The following GRM7 variants were observed in gnomAD, a reference collection of about 807,000 sequenced individuals.
The protein encoded by GRM7 is glutamate metabotropic receptor 7.
Under a neutral mutation model 84.5 loss-of-function variants are expected in GRM7, and 35 were observed. That is an observed-to-expected ratio of 0.41 (90% CI 0.32 to 0.55). The LOEUF (loss-of-function observed/expected upper bound fraction) is 0.55, where lower values mean the gene tolerates loss of function less well. GRM7 is among the 20% of genes least tolerant of loss of function. The pLI is 0.19. For missense variants in GRM7, 1,003 were observed against 1,194.6 expected (o/e 0.84, Z 2.36); for synonymous variants, 487 against 455.1 (o/e 1.07, Z -0.89).
chr3:7,609,455 A>G (rs1460606302), intron 8 of GRM7, among the ~76,000 whole-genome samples: 2 of 152,102 alleles, frequency 1.3e-5, no homozygotes, highest in Non-Finnish European at 2.9e-5. Context: ...GATATTCTTG[A>G]ACAGGGCAGA....
At chr3:7,414,865 A>G (rs1032810090) in intron 4 of GRM7, among the ~76,000 whole-genome samples, 158 bp from the exon 5 acceptor site, 2 of 151,916 alleles carry the variant, frequency 1.3e-5, no homozygotes, top group Admixed American at 6.6e-5. Context: ...TGCAATTAGA[A>G]TATTTTTCCT....
At chr3:7,197,216 T>C (rs1046220597) in intron 2 of GRM7, among the ~76,000 whole-genome samples, 1 of 152,198 alleles carries the variant, frequency 6.6e-6, no homozygotes, top group East Asian at 1.9e-4. Context: ...CCCAAACTTG[T>C]GCTTAAGACC....
rs143071757 is a variant in GRM7 at position 7,232,374 on chromosome 3, A to G, written c.737-66310A>G. On this transcript the variant is annotated intron_variant, in intron 2 of 9. Transcript: ENST00000357716. ...TGAGACTGTTGTCATGGGAGTTGAG[A>G]TACCATAAAGAGCTGGAAAGACCCT... Among the ~76,000 whole-genome samples, 355 of 152,290 alleles carry G rather than the reference A, an allele frequency of 2.3e-3. 1 individual carries two copies. The highest frequency in any genetic ancestry group is 7.9e-3 in the African/African-American group (330 of 41,554).
At chr3:7,481,342 C>T (rs553373022) in intron 7 of GRM7, among the ~76,000 whole-genome samples, 3 of 152,266 alleles carry the variant, frequency 2.0e-5, no homozygotes, top group East Asian at 1.9e-4. Flanking sequence ...GGGCTCCCGC[C>T]TCGGCCTCCC....
chr3:7,236,662 A>C (rs1327611924), intron 2 of GRM7, among the ~76,000 whole-genome samples: 2 of 152,190 alleles, frequency 1.3e-5, no homozygotes, highest in Non-Finnish European at 2.9e-5. Flanking sequence ...GCAGGTAGAT[A>C]ATAAGTGATC....
At chr3:7,470,878 GA>G in intron 7 of GRM7, among the ~76,000 whole-genome samples, 1 of 152,046 alleles carries the variant, frequency 6.6e-6, no homozygotes, top group African/African-American at 2.4e-5. Context: ...AAAAATTCTA[GA>G]ATGACCTGGT....
At chr3:7,066,496 GACCAATA>G (rs1697669786) in intron 1 of GRM7, among the ~76,000 whole-genome samples, 1 of 151,790 alleles carries the variant, frequency 6.6e-6, no homozygotes, top group Admixed American at 6.6e-5. Context: ...ACCCTGAACA[GACCAATA>G]ACAAGCAGCA....
At chr3:7,352,059 A>C (rs1408079509) in intron 4 of GRM7, among the ~76,000 whole-genome samples, 5 of 70,324 alleles carry the variant, frequency 7.1e-5, no homozygotes, top group Non-Finnish European at 1.4e-4. Flanking sequence ...CACACACACC[A>C]CACACACACA....
intron 1 of GRM7, among the ~76,000 whole-genome samples, chr3:7,023,960 G>A (rs1407165854): frequency 6.6e-6 from 1 of 152,152 alleles, no homozygotes; most frequent in Non-Finnish European, 1.5e-5. Flanking sequence ...CTTCCTAGGT[G>A]GGTGATGGAG....
At chr3:7,124,657 C>G (rs1223478581) in intron 1 of GRM7, among the ~76,000 whole-genome samples, 7 of 152,054 alleles carry the variant, frequency 4.6e-5, no homozygotes, top group Admixed American at 2.0e-4. Flanking sequence ...TAGATTAGAA[C>G]AATGATACTT....
At chr3:6,946,625 C>T (rs1476811265) in intron 1 of GRM7, among the ~76,000 whole-genome samples, 1 of 152,110 alleles carries the variant, frequency 6.6e-6, no homozygotes, top group East Asian at 1.9e-4. Flanking sequence ...ATGGGGATGG[C>T]ATTGAATCTA....
chr3:7,215,564 C>T (rs558632617), intron 2 of GRM7, among the ~76,000 whole-genome samples: 1 of 152,046 alleles, frequency 6.6e-6, no homozygotes, highest in South Asian at 2.1e-4. Flanking sequence ...ACTCGGGAGG[C>T]TGAGGCAGAA....
intron 1 of GRM7, among the ~76,000 whole-genome samples, chr3:6,885,399 C>T (rs1162259139): frequency 1.3e-5 from 2 of 152,120 alleles, no homozygotes; most frequent in Admixed American, 6.5e-5. Context: ...TTGTAACTTC[C>T]GGGTTGTCCA....
intron 1 of GRM7, among the ~76,000 whole-genome samples, chr3:6,888,259 T>G (rs867019653): frequency 1.3e-4 from 19 of 151,980 alleles, no homozygotes; most frequent in Non-Finnish European, 2.4e-4. Flanking sequence ...GTCAATTTTG[T>G]CTTTTGTTGC....
At chr3:7,386,986 T>G (rs1694810146) in intron 4 of GRM7, among the ~76,000 whole-genome samples, 1 of 152,218 alleles carries the variant, frequency 6.6e-6, no homozygotes, top group African/African-American at 2.4e-5. Context: ...TTGTATTTCA[T>G]TGTGGTTTTT....
chr3:7,394,830 G>A (rs1389361234), intron 4 of GRM7, among the ~76,000 whole-genome samples: 1 of 152,120 alleles, frequency 6.6e-6, no homozygotes, highest in Non-Finnish European at 1.5e-5. Flanking sequence ...CTGAGGACTG[G>A]AGTTCAAGAC....
At chr3:7,046,351 A>T (rs1223409414) in intron 1 of GRM7, among the ~76,000 whole-genome samples, 1 of 152,164 alleles carries the variant, frequency 6.6e-6, no homozygotes. Flanking sequence ...AGCTGGAGCT[A>T]GACTTGTGCC....
At chr3:7,333,167 A>G (rs1464027180) in intron 4 of GRM7, among the ~76,000 whole-genome samples, 6 of 152,140 alleles carry the variant, frequency 3.9e-5, no homozygotes, top group Non-Finnish European at 8.8e-5. Flanking sequence ...CCACATGACA[A>G]CTTCTCTGCT....
chr3:7,061,816 G>T (rs577130487), intron 1 of GRM7, among the ~76,000 whole-genome samples: 1 of 151,628 alleles, frequency 6.6e-6, no homozygotes, highest in Non-Finnish European at 1.5e-5. Context: ...AAGCAAGGCA[G>T]CTAAAGTTCA....
Sources: gnomAD v4.1 joint callset for allele counts (sites outside exome capture counted in the v4.1 genomes callset) on GRCh38, gnomAD v4.1.1 for gene constraint, MANE v1.5 for transcripts, NCBI Gene and HGNC (gene_info 2026-07-23, HGNC 2026-07-21) for gene names.